MYH15: variants seen among roughly 807,000 people sequenced by gnomAD.
MYH15 encodes myosin heavy chain 15.
Under a neutral mutation model 240.5 loss-of-function variants are expected in MYH15, and 227 were observed. That is an observed-to-expected ratio of 0.94 (90% CI 0.85 to 1.05). The LOEUF (loss-of-function observed/expected upper bound fraction) is 1.05, where lower values mean the gene tolerates loss of function less well. MYH15 is among the 50% of genes least tolerant of loss of function. MYH15 has a pLI of 0.00. For missense variants in MYH15, 2,217 were observed against 2,247.5 expected (o/e 0.99, Z 0.27); for synonymous variants, 785 against 796.7 (o/e 0.99, Z 0.25).
At chr3:108,412,571 G>A (rs999530094) in intron 30 of MYH15, among the ~76,000 whole-genome samples, 1 of 152,156 alleles carries the variant, frequency 6.6e-6, no homozygotes, top group East Asian at 1.9e-4. Context: ...GGACAAACTG[G>A]TTACCCTTGT....
chr3:108,387,267 C>T (rs529463383), intron 38 of MYH15, among the ~76,000 whole-genome samples: 10 of 152,310 alleles, frequency 6.6e-5, no homozygotes, highest in South Asian at 2.1e-4. Flanking sequence ...GATGACTCAG[C>T]GTTAACCTTG....
chr3:108,416,763 A>ATT lies in MYH15; in HGVS notation c.3948+48_3948+49insAA, dbSNP rs749441093. ...GATTCATCAAGCACTATTTTTTAAA[A>ATT]AAAAAAACACACAGTCAAGAAACTA... On this transcript the variant is annotated intron_variant, in intron 29 of 40. Transcript: ENST00000693548. 3.3e-4 allele frequency: 456 copies of ATT among 1,400,812 alleles called. 3 individuals carry two copies. In the African/African-American group the frequency reaches 6.0e-3, roughly 18 times the overall value. The allele number at this position is 1,400,812 out of a possible 1,614,324, so 86.8% of individuals were successfully genotyped here.
intron 9 of MYH15, among the ~76,000 whole-genome samples, chr3:108,491,707 A>G (rs1434525954): frequency 6.6e-6 from 1 of 152,006 alleles, no homozygotes; most frequent in Non-Finnish European, 1.5e-5. Flanking sequence ...CGCACCCCCC[A>G]CAACACACTT....
intron 9 of MYH15, among the ~76,000 whole-genome samples, chr3:108,491,379 AT>A (rs1169207151): frequency 1.3e-5 from 2 of 151,914 alleles, no homozygotes; most frequent in Admixed American, 6.6e-5. Context: ...CTTATTCCAC[AT>A]TTTTTTTCTT....
intron 33 of MYH15, among the ~76,000 whole-genome samples, chr3:108,400,983 A>G (rs2082499903): frequency 6.6e-6 from 1 of 152,132 alleles, no homozygotes; most frequent in South Asian, 2.1e-4. Context: ...CTGGCTCCAG[A>G]GCCCAATGTG....
At chr3:108,474,407 A>G (rs912128774) in intron 12 of MYH15, among the ~76,000 whole-genome samples, 2 of 151,580 alleles carry the variant, frequency 1.3e-5, no homozygotes, top group African/African-American at 4.8e-5. Flanking sequence ...TCAGAACACA[A>G]TATTAGAGAG....
chr3:108,446,117 C>T (rs1560374604), intron 21 of MYH15, among the ~76,000 whole-genome samples: 1 of 152,056 alleles, frequency 6.6e-6, no homozygotes, highest in African/African-American at 2.4e-5. Context: ...CAGTCCAGTC[C>T]CCACAGACCC....
At chr3:108,547,813 A>T in the MYH15 span, among the ~76,000 whole-genome samples, 1 of 152,212 alleles carries the variant, frequency 6.6e-6, no homozygotes, top group Non-Finnish European at 1.5e-5. Context: ...AACTGATTCA[A>T]GTAAGAATTA....
chr3:108,397,029 A>C (rs2082467097), intron 35 of MYH15, among the ~76,000 whole-genome samples: 1 of 152,186 alleles, frequency 6.6e-6, no homozygotes, highest in Non-Finnish European at 1.5e-5. Flanking sequence ...ATGATCCCAC[A>C]GATGTTTCTA....
rs536726396 is a variant in MYH15 at position 108,524,221 on chromosome 3, T to C, written c.-58+5042A>G. Among the ~76,000 whole-genome samples, 4 of 152,188 alleles carry C rather than the reference T, an allele frequency of 2.6e-5. No individual in the cohort carries two copies. The East Asian group carries it at 7.7e-4, about 29-fold the overall frequency. On this transcript the variant is annotated intron_variant, in intron 1 of 41. Transcript: ENST00000273353. The stretch of plus-strand genomic sequence containing the variant: ...TTACTGACAGTAATAGGCCTTTTCA[T>C]TCTTTATAACTTTTTGACAATCCAA...
Position 108,478,656 on chromosome 3 carries a change from A to C in MYH15, c.1115-2141T>G, listed in dbSNP as rs756107850. ...AACAGTAACCAACAATGTGAAAAAC[A>C]ATTTTCCAGTATCTGTCCAGGTTTA... On this transcript the variant is annotated intron_variant, in intron 11 of 40. Transcript: ENST00000693548. 2.6e-4 allele frequency among the ~76,000 whole-genome samples: 39 copies of C among 151,760 alleles called. 1 individual carries two copies. The highest frequency in any genetic ancestry group is 5.9e-4 in the Admixed American group (9 of 15,184).
At position 108,440,009 on chromosome 3, in the gene MYH15, T is replaced by C. The variant is rs144611361; in HGVS notation, c.2899-96A>G. The C allele has an allele frequency of 2.7e-5, 30 of 1,098,416 alleles. No homozygotes were observed. In the Middle Eastern group the frequency reaches 1.7e-3, roughly 61 times the overall value. 68.0% of individuals were successfully genotyped at this position (1,098,416 alleles called of 1,614,324 possible). On this transcript the variant is annotated intron_variant, in intron 23 of 40. Transcript: ENST00000693548. ...CTCTTCTGTCGTCCAAAACTACGCA[T>C]GAGGTATCCAATGTCACAAAAAGCT... is the stretch of plus-strand genomic sequence containing the variant.
intron 1 of MYH15, among the ~76,000 whole-genome samples, chr3:108,519,386 G>A (rs900741712): frequency 2.0e-5 from 3 of 152,118 alleles, no homozygotes; most frequent in African/African-American, 4.8e-5. Context: ...TTGAATCCAT[G>A]GAGTCTTAGA....
chr3:108,466,191 T>C (rs1415088088), intron 14 of MYH15, among the ~76,000 whole-genome samples: 1 of 152,218 alleles, frequency 6.6e-6, no homozygotes, highest in Non-Finnish European at 1.5e-5. Flanking sequence ...GTGGTAGTGT[T>C]GGAGCTTATG....
chr3:108,440,866 C>G (rs1330582338), intron 23 of MYH15, 152 bp downstream of exon 23: 5 of 875,496 alleles, frequency 5.7e-6, no homozygotes, highest in African/African-American at 5.0e-5. Flanking sequence ...TTATCAGACT[C>G]TATATTTTGT....
chr3:108,410,637 C>T lies in MYH15; in HGVS notation c.4441G>A (p.Glu1481Lys), dbSNP rs1270553658. 1.2e-6 allele frequency: 2 copies of T among 1,613,966 alleles called. No individual in the cohort carries two copies. Among genetic ancestry groups the T allele is most frequent in the Non-Finnish European group, 8.5e-7 (1 of 1,179,872 alleles). ...TELLKLKNTY[E>K]ESIVGQETLR... ...GTCTCCTGGCCCACGATGCTCTCCT[C>T]ATAGGTGTTCTTGAGCTTGAGGAGC... Residue 1481 changes from glutamate to lysine, a missense_variant, in exon 31 of 41, where the codon GAG (glutamate) becomes AAG (lysine). Physicochemically the swap from Glu to Lys is moderately conservative, Grantham distance 56. Transcript: ENST00000693548.
chr3:108,484,162 T>C (rs146001990), intron 11 of MYH15, among the ~76,000 whole-genome samples: 3 of 152,308 alleles, frequency 2.0e-5, no homozygotes, highest in African/African-American at 7.2e-5. Flanking sequence ...GGGTTTTCTC[T>C]TTTTGTTTCG....
chr3:108,428,518 G>C lies in MYH15; in HGVS notation c.3676C>G (p.Arg1226Gly), dbSNP rs775070165. The C allele has an allele frequency of 2.2e-5, 35 of 1,613,666 alleles. No individual in the cohort carries two copies. Among genetic ancestry groups the C allele is most frequent in the Non-Finnish European group, 2.9e-5 (34 of 1,179,874 alleles). ...LQLEVDDLLT[R>G]VEQMTRAKAN... is the part of the protein sequence containing the mutation. ...TTAGCTCTTGTCATCTGCTCAACAC[G>C]GGTCAGGAGGTCATCTACTTCTAGC... The change falls in exon 27 of 41, where the codon CGT becomes GGT. Residue 1226 changes from arginine to glycine, a missense_variant. By Grantham distance (125) the Arg-to-Gly change is moderately radical (BLOSUM62 -2). Coordinates refer to ENST00000693548, the MANE Select transcript of MYH15 (RefSeq NM_014981.3).
At chr3:108,463,391 T>C (rs2083087822) in intron 15 of MYH15, 148 bp from the exon 16 acceptor site, 1 of 858,396 alleles carries the variant, frequency 1.2e-6, no homozygotes, top group Middle Eastern at 3.5e-4. Flanking sequence ...CACAGTTCAC[T>C]GTAGCCTCGA....
Sources: allele counts gnomAD v4.1 joint callset (sites outside exome capture counted in the v4.1 genomes callset), GRCh38; gene constraint gnomAD v4.1.1; transcripts MANE v1.5; gene names NCBI Gene and HGNC (gene_info 2026-07-23, HGNC 2026-07-21).